PARD3: variants seen among roughly 807,000 people sequenced by gnomAD.
PARD3 encodes the protein partitioning defective 3 homolog.
A neutral mutation model predicts 155.4 loss-of-function variants in PARD3; 75 were observed. The observed-to-expected ratio is 0.48, with a 90% CI of 0.40 to 0.58. PARD3 has a LOEUF of 0.58. Among genes scored for constraint, PARD3 ranks in the 20% least tolerant of loss-of-function variants. The pLI is 0.00. For missense variants in PARD3, 1,642 were observed against 1,721.7 expected, an observed-to-expected ratio of 0.95 and a Z score of 0.82; for synonymous variants, 576 against 610.5, an observed-to-expected ratio of 0.94 and a Z score of 0.83.
At chr10:34,136,846 T>G (rs12356058) in intron 22 of PARD3, among the ~76,000 whole-genome samples, 10 of 152,350 alleles carry the variant, frequency 6.6e-5, no homozygotes, top group African/African-American at 2.2e-4. Flanking sequence ...AATTGTCCCC[T>G]GACCCAAATA....
At chr10:34,665,097 A>T (rs545657937) in intron 2 of PARD3, among the ~76,000 whole-genome samples, 117 of 152,238 alleles carry the variant, frequency 7.7e-4, no homozygotes, top group Non-Finnish European at 1.4e-3. Flanking sequence ...AGTTTTTTTT[A>T]AAATAAAAAA....
intron 19 of PARD3, among the ~76,000 whole-genome samples, chr10:34,328,329 C>T (rs1835260913): frequency 6.6e-6 from 1 of 152,016 alleles, no homozygotes. Context: ...GGGTGTTTTC[C>T]ACATGGGCCT....
At chr10:34,130,395 C>A (rs1947543896) in intron 23 of PARD3, among the ~76,000 whole-genome samples, 2 of 152,280 alleles carry the variant, frequency 1.3e-5, no homozygotes, top group Non-Finnish European at 2.9e-5. Flanking sequence ...AAGAATTAAT[C>A]CACAAATTTA....
At chr10:34,628,622 G>A (rs2092106231) in intron 2 of PARD3, among the ~76,000 whole-genome samples, 1 of 152,228 alleles carries the variant, frequency 6.6e-6, no homozygotes, top group African/African-American at 2.4e-5. Flanking sequence ...GCCCTGCCCT[G>A]GAGTGAGTGG....
intron 5 of PARD3, among the ~76,000 whole-genome samples, chr10:34,416,350 T>C (rs1845675986): frequency 6.6e-6 from 1 of 151,878 alleles, no homozygotes; most frequent in Non-Finnish European, 1.5e-5. Context: ...TCCAGGAGAG[T>C]GGCTCATTTC....
At chr10:34,618,658 T>C (rs573357501) in intron 2 of PARD3, among the ~76,000 whole-genome samples, 3 of 152,342 alleles carry the variant, frequency 2.0e-5, no homozygotes, top group South Asian at 2.1e-4. Flanking sequence ...AAACTTCAAA[T>C]GTCTTCTTAG....
In PARD3 at chr10:34,715,306, G is replaced by A. The variant is rs187523014; in HGVS notation, c.121-18887C>T. On this transcript the variant is annotated intron_variant, in intron 1 of 24. Transcript: ENST00000374788. ...TTGCCCAGGCTGGTCTCCAACTCCT[G>A]GACTCAAGTGATCCTCCTGCCTCGG... Among the ~76,000 whole-genome samples, 65 of 152,130 alleles carry A rather than the reference G, an allele frequency of 4.3e-4. 1 individual carries two copies. The East Asian group carries it at 7.4e-3, about 17-fold the overall frequency.
At chr10:34,814,827 CG>C in intron 1 of PARD3, 48 bp downstream of exon 1, 1 of 1,257,912 alleles carries the variant, frequency 7.9e-7, no homozygotes, top group Non-Finnish European at 1.1e-6. Flanking sequence ...TTGATCCCGG[CG>C]CCGTCCCCGC....
rs753826893 is a variant in PARD3 at position 34,347,947 on chromosome 10, G to C, written c.2218+18C>G. On this transcript the variant is annotated intron_variant, in intron 15 of 24. Coordinates refer to ENST00000374788, the MANE Select transcript of PARD3 (RefSeq NM_001184785.2). ...GCATCAAAATAAGATGTGATAAACA[G>C]AGTTTTACCTGACTCACCCATTATC... The C allele has an allele frequency of 5.6e-6, 9 of 1,601,378 alleles. No homozygotes were observed. Among genetic ancestry groups the C allele is most frequent in the Non-Finnish European group, 7.7e-6 (9 of 1,173,204 alleles).
At chr10:34,494,114 C>T (rs1021786921) in intron 3 of PARD3, among the ~76,000 whole-genome samples, 16 of 152,174 alleles carry the variant, frequency 1.1e-4, no homozygotes, top group African/African-American at 3.9e-4. Context: ...CCTACTCTCC[C>T]GTAGTCACCA....
intron 12 of PARD3, among the ~76,000 whole-genome samples, chr10:34,365,793 G>C (rs1589317829): frequency 6.6e-6 from 1 of 152,042 alleles, no homozygotes; most frequent in East Asian, 1.9e-4. Context: ...TCGCCATGTT[G>C]GTCAGGCTGG....
intron 5 of PARD3, among the ~76,000 whole-genome samples, chr10:34,426,918 C>T (rs1203810931): frequency 6.6e-6 from 1 of 152,182 alleles, no homozygotes; most frequent in Non-Finnish European, 1.5e-5. Flanking sequence ...ATTTCTTACA[C>T]CTGTCTTTAC....
chr10:34,611,675 A>G (rs1231111789), intron 2 of PARD3, among the ~76,000 whole-genome samples: 1 of 152,132 alleles, frequency 6.6e-6, no homozygotes, highest in Non-Finnish European at 1.5e-5. Context: ...CCAACCACAA[A>G]AATCCTGTTG....
At chr10:34,304,338 T>TA (rs138887087) in intron 20 of PARD3, among the ~76,000 whole-genome samples, 22,010 of 135,664 alleles carry the variant, frequency 0.16, 1,819 homozygotes, top group African/African-American at 0.23. Flanking sequence ...TCTACAAAAT[T>TA]AAAAAAAAAA....
chr10:34,161,337 T>C (rs1470513048), intron 22 of PARD3, among the ~76,000 whole-genome samples: 1 of 151,194 alleles, frequency 6.6e-6, no homozygotes, highest in Non-Finnish European at 1.5e-5. Flanking sequence ...TGAAATTCAA[T>C]GCTAAGAGAG....
At chr10:34,533,466 A>T (rs1173680067) in intron 2 of PARD3, among the ~76,000 whole-genome samples, 1 of 152,120 alleles carries the variant, frequency 6.6e-6, no homozygotes, top group African/African-American at 2.4e-5. Flanking sequence ...GCAATATTCA[A>T]TCACTCTATA....
intron 2 of PARD3, among the ~76,000 whole-genome samples, chr10:34,554,322 C>G (rs2084819340): frequency 6.6e-6 from 1 of 152,178 alleles, no homozygotes; most frequent in Non-Finnish European, 1.5e-5. Flanking sequence ...AATAGGTTCT[C>G]TAATTGAATA....
intron 3 of PARD3, among the ~76,000 whole-genome samples, chr10:34,497,237 A>T (rs2080354297): frequency 1.3e-5 from 2 of 152,216 alleles, no homozygotes; most frequent in African/African-American, 4.8e-5. Context: ...ATACTTGAAA[A>T]AGAAAATAAA....
chr10:34,361,154 T>A (rs577171777), intron 12 of PARD3, among the ~76,000 whole-genome samples: 3 of 152,166 alleles, frequency 2.0e-5, no homozygotes, highest in Non-Finnish European at 4.4e-5. Context: ...ATTTCCACCA[T>A]CTCTATACTG....
Sources: allele counts gnomAD v4.1 joint callset (sites outside exome capture counted in the v4.1 genomes callset), GRCh38; gene constraint gnomAD v4.1.1; transcripts MANE v1.5; gene names NCBI Gene and HGNC (gene_info 2026-07-23, HGNC 2026-07-21).